Variants in BFSP1 observed in about 807,000 individuals in gnomAD.
BFSP1 encodes the protein beaded filament structural protein 1.
A neutral mutation model predicts 43.9 loss-of-function variants in BFSP1; 38 were observed. That is an observed-to-expected ratio of 0.87 (90% CI 0.67 to 1.14). The LOEUF (loss-of-function observed/expected upper bound fraction) is 1.14. BFSP1 is among the 50% of genes most tolerant of loss of function. BFSP1 has a pLI of 0.00. For missense variants in BFSP1, 850 were observed against 875.1 expected (o/e 0.97, Z 0.36); for synonymous variants, 352 against 354.8 (o/e 0.99, Z 0.09).
chr20:17,548,870 T>A (rs1433255831), intron 1 of BFSP1, among the ~76,000 whole-genome samples: 1 of 152,164 alleles, frequency 6.6e-6, no homozygotes, highest in African/African-American at 2.4e-5. Flanking sequence ...TGCAGTGGTG[T>A]GATCATAGCT....
chr20:17,526,506 T>C (rs2034427735), intron 1 of BFSP1, among the ~76,000 whole-genome samples: 1 of 152,230 alleles, frequency 6.6e-6, no homozygotes, highest in Non-Finnish European at 1.5e-5. Context: ...CAGAATTACC[T>C]TCCTTTTTAA....
At chr20:17,563,947 C>T (rs1385395906), upstream of BFSP1, among the ~76,000 whole-genome samples, 2 of 150,732 alleles carry the variant, frequency 1.3e-5, no homozygotes, top group Non-Finnish European at 2.9e-5. Context: ...TTCTTACTGC[C>T]TAAAATGTGG....
At chr20:17,533,030 T>C (rs1474774816), upstream of BFSP1, among the ~76,000 whole-genome samples, 1 of 152,060 alleles carries the variant, frequency 6.6e-6, no homozygotes, top group Non-Finnish European at 1.5e-5. Flanking sequence ...GGTGGCATGG[T>C]TATTGTTCTA....
chr20:17,498,054 T>C (rs932802277), intron 6 of BFSP1, among the ~76,000 whole-genome samples: 2 of 152,156 alleles, frequency 1.3e-5, no homozygotes, highest in Non-Finnish European at 2.9e-5. Flanking sequence ...CTGCCAAGCA[T>C]TCGAGTGCTC....
At chr20:17,543,301 AAAG>A (rs1301735084) in intron 1 of BFSP1, among the ~76,000 whole-genome samples, 1 of 152,248 alleles carries the variant, frequency 6.6e-6, no homozygotes, top group African/African-American at 2.4e-5. Flanking sequence ...ATTTCAGTTC[AAAG>A]AAGGGTCATC....
upstream of BFSP1, among the ~76,000 whole-genome samples, chr20:17,532,446 TTC>T (rs2034563468): frequency 1.3e-5 from 2 of 151,770 alleles, no homozygotes. Flanking sequence ...GATTGCTTTT[TTC>T]TTTTTCTTTT....
At chr20:17,555,202 G>A (rs2034969882) in intron 1 of BFSP1, among the ~76,000 whole-genome samples, 1 of 150,436 alleles carries the variant, frequency 6.6e-6, no homozygotes, top group African/African-American at 2.4e-5. Context: ...ATGGGAGGCT[G>A]TGGCAGGAGG....
At chr20:17,553,830 T>TATAC (rs2034940360) in intron 1 of BFSP1, among the ~76,000 whole-genome samples, 1 of 90,098 alleles carries the variant, frequency 1.1e-5, no homozygotes, top group Non-Finnish European at 2.0e-5. Context: ...CACACATATA[T>TATAC]ATATATACAC....
chr20:17,503,766 C>G (rs1366896571), intron 5 of BFSP1, among the ~76,000 whole-genome samples: 1 of 152,226 alleles, frequency 6.6e-6, no homozygotes, highest in Non-Finnish European at 1.5e-5. Flanking sequence ...GTCTCCAGGG[C>G]CCCTGCAAAC....
intron 4 of BFSP1, among the ~76,000 whole-genome samples, chr20:17,510,986 T>G (rs1321447384): frequency 6.6e-6 from 1 of 152,208 alleles, no homozygotes; most frequent in Admixed American, 6.5e-5. Context: ...CTTGTTTGTT[T>G]GTTTGTTTAG....
In BFSP1 at chr20:17,494,883, T is replaced by C. The variant is rs763821625; in HGVS notation, c.1189A>G (p.Thr397Ala). 2.0e-5 allele frequency: 32 copies of C among 1,614,128 alleles called. No homozygotes were observed. The highest frequency in any genetic ancestry group is 2.5e-5 in the Non-Finnish European group (29 of 1,180,050). The part of the protein sequence containing the change: ...EDAPLKGLED[T>A]KLVQVVLKEE... Reference sequence around the variant, plus strand: ...TTAAGTACCACCTGTACCAGCTTTGTGTCTTCCAAACCTTTTAATGGTGCA... The same window carrying C: ...TTAAGTACCACCTGTACCAGCTTTGCGTCTTCCAAACCTTTTAATGGTGCA... The change falls in exon 8 of 8, where the codon ACA becomes GCA. Residue 397 changes from threonine to alanine, a missense_variant. By Grantham distance (58) the Thr-to-Ala change is moderately conservative. Coordinates refer to ENST00000377873, the MANE Select transcript of BFSP1 (RefSeq NM_001195.5).
At chr20:17,563,097 T>C (rs756962729), upstream of BFSP1, 1 of 152,238 alleles carries the variant, frequency 6.6e-6, no homozygotes, top group African/African-American at 2.4e-5. Flanking sequence ...TTACCCCATC[T>C]GTGGGATGAG....
intron 2 of BFSP1, among the ~76,000 whole-genome samples, chr20:17,517,990 CAG>C (rs2034237998): frequency 6.6e-6 from 1 of 152,136 alleles, no homozygotes; most frequent in African/African-American, 2.4e-5. Flanking sequence ...CACCAGTGTC[CAG>C]AGTCATTCCT....
chr20:17,496,484 G>C (rs2033635082), intron 7 of BFSP1, among the ~76,000 whole-genome samples: 1 of 152,194 alleles, frequency 6.6e-6, no homozygotes. Context: ...CAGCCACTCT[G>C]CACTGGACAC....
At chr20:17,565,415 A>C (rs1027869247) in intron 1 of BFSP1, 9 of 152,226 alleles carry the variant, frequency 5.9e-5, no homozygotes, top group Admixed American at 5.9e-4. Context: ...TCACTGAAGA[A>C]CCGTTTGTGA....
At chr20:17,511,880 C>G in intron 4 of BFSP1, 96 bp downstream of exon 4, 1 of 1,065,528 alleles carries the variant, frequency 9.4e-7, no homozygotes, top group South Asian at 1.5e-5. Context: ...ACCCTGGTGG[C>G]CGCCCTCACA....
At chr20:17,533,770 C>T (rs542945440), upstream of BFSP1, among the ~76,000 whole-genome samples, 1 of 152,262 alleles carries the variant, frequency 6.6e-6, no homozygotes, top group South Asian at 2.1e-4. Context: ...CATGGCAATA[C>T]CATTTGAGAA....
intron 1 of BFSP1, among the ~76,000 whole-genome samples, chr20:17,549,423 GCACGTTTTACAT>G (rs2034859109): frequency 6.6e-6 from 1 of 152,198 alleles, no homozygotes; most frequent in Non-Finnish European, 1.5e-5. Flanking sequence ...GCAGGGGCAA[GCACGTTTTACAT>G]CACCAGAGCA....
intron 2 of BFSP1, among the ~76,000 whole-genome samples, chr20:17,520,163 G>A (rs2034286253): frequency 6.6e-6 from 1 of 152,064 alleles, no homozygotes; most frequent in Admixed American, 6.5e-5. Context: ...CAGACCTACT[G>A]GCTTAGAATT....
Sources: allele counts gnomAD v4.1 joint callset (sites outside exome capture counted in the v4.1 genomes callset), GRCh38; gene constraint gnomAD v4.1.1; transcripts MANE v1.5; gene names NCBI Gene and HGNC (gene_info 2026-07-23, HGNC 2026-07-21).